The following WDR62 variants were observed in gnomAD, a reference collection of about 807,000 sequenced individuals.
WDR62 encodes WD repeat domain 62, also known as WD repeat-containing protein 62.
A neutral mutation model predicts 160.6 loss-of-function variants in WDR62; 112 were observed. The ratio of observed to expected loss-of-function variants is 0.70; its 90% confidence interval spans 0.60 to 0.82. The LOEUF is 0.82. Among genes scored for constraint, WDR62 ranks in the 40% least tolerant of loss-of-function variants. WDR62 has a pLI of 0.00. For missense variants in WDR62, 1,819 were observed against 1,983.8 expected, an observed-to-expected ratio of 0.92 and a Z score of 1.58; for synonymous variants, 792 against 815.1, an observed-to-expected ratio of 0.97 and a Z score of 0.48.
intron 1 of WDR62, among the ~76,000 whole-genome samples, chr19:36,057,223 A>G (rs1371870218): frequency 6.6e-6 from 1 of 152,228 alleles, no homozygotes; most frequent in African/African-American, 2.4e-5. Context: ...TACATATCCT[A>G]GGCACTTAGA....
In WDR62 at chr19:36,102,704, G is replaced by A. The variant is rs776894830; in HGVS notation, c.3221-33G>A. On this transcript the variant is annotated intron_variant, in intron 26 of 31. Coordinates refer to ENST00000401500, the MANE Select transcript of WDR62 (RefSeq NM_001083961.2). ...AGGGCCAGGGCTGCTCGGCGGGAAG[G>A]GTTATGAGGGTCCCCTCGGGATCTT... 3.1e-6 allele frequency: 5 copies of A among 1,603,720 alleles called. No homozygotes were observed. The African/African-American group carries it at 5.4e-5, about 17-fold the overall frequency.
At chr19:36,078,845 A>C (rs1250739305) in intron 9 of WDR62, among the ~76,000 whole-genome samples, 1 of 151,404 alleles carries the variant, frequency 6.6e-6, no homozygotes, top group African/African-American at 2.4e-5. Flanking sequence ...AAAAAAAAAA[A>C]AAAAACAAAG....
At position 36,104,645 on chromosome 19, in the gene WDR62, C is replaced by T. The variant is rs754743759; in HGVS notation, c.4281C>T (p.Thr1427=). The part of the protein sequence containing the change: ...VGNILHRLQT[T]FQEALDLYRV... ...ACATCTTGCACAGGCTGCAGACCAC[C>T]TTCCAAGAAGCCCTCGACCTTTACC... Residue 1427 remains threonine (T), a synonymous_variant, in exon 31 of 32, where the codon ACC becomes ACT. Coordinates refer to ENST00000401500, the MANE Select transcript of WDR62 (RefSeq NM_001083961.2). The T allele has an allele frequency of 1.6e-5, 26 of 1,614,140 alleles. No homozygotes were observed. The South Asian group carries it at 2.5e-4, about 16-fold the overall frequency.
intron 12 of WDR62, among the ~76,000 whole-genome samples, chr19:36,085,529 C>T (rs1972172984): frequency 6.6e-6 from 1 of 150,664 alleles, no homozygotes. Flanking sequence ...GAAGCGATTC[C>T]CCTGCGTTCA....
intron 9 of WDR62, among the ~76,000 whole-genome samples, chr19:36,079,071 G>C (rs1425046948): frequency 6.6e-6 from 1 of 151,540 alleles, no homozygotes; most frequent in Non-Finnish European, 1.5e-5. Flanking sequence ...TTTTTTTGTG[G>C]GGGTGGGGTG....
In WDR62 at chr19:36,094,032, C is replaced by G. The variant is rs751933719; in HGVS notation, c.2335C>G (p.Gln779Glu). Residue 779 changes from glutamine (Q) to glutamate (E), a missense_variant and splice_region_variant, in exon 20 of 32, where the codon CAG (glutamine) becomes GAG (glutamate). Gln to Glu is a conservative substitution (Grantham distance 29). Coordinates refer to ENST00000401500, the MANE Select transcript of WDR62 (RefSeq NM_001083961.2). Reference protein sequence around the residue: ...NDKKRSGHPRQDTYVSTPSEI... With the variant: ...NDKKRSGHPREDTYVSTPSEI... Reference sequence around the variant, plus strand: ...TACCATCCTCATTCCTGGCTTTAGGCAGGATACGTATGTGTCCACACCTAG... The same window carrying G: ...TACCATCCTCATTCCTGGCTTTAGGGAGGATACGTATGTGTCCACACCTAG... 20 of 1,613,672 alleles carry G rather than the reference C, an allele frequency of 1.2e-5. No individual in the cohort carries two copies. Among genetic ancestry groups the G allele is most frequent in the Non-Finnish European group, 1.6e-5 (19 of 1,179,942 alleles).
At chr19:36,088,927 G>T in intron 13 of WDR62, 111 bp from the exon 14 acceptor site, 5 of 1,245,210 alleles carry the variant, frequency 4.0e-6, no homozygotes, top group Non-Finnish European at 5.8e-6. Context: ...CCTTTAGGAA[G>T]CCTTGATCCC....
Position 36,102,163 on chromosome 19 carries a change from C to T in WDR62, c.3220+12C>T, listed in dbSNP as rs764426378. The T allele has an allele frequency of 2.6e-5, 42 of 1,613,602 alleles. No individual in the cohort carries two copies. Among genetic ancestry groups the T allele is most frequent in the Non-Finnish European group, 3.5e-5 (41 of 1,180,052 alleles). ...GTCCCCCTGCAGAGGTAGGGCCCTGCCTCACCCACACCTGCCGAGGCCGTC... is the reference window on the plus strand; with the variant it reads ...GTCCCCCTGCAGAGGTAGGGCCCTGTCTCACCCACACCTGCCGAGGCCGTC... On this transcript the variant is annotated intron_variant, in intron 26 of 31. Coordinates refer to ENST00000401500, the MANE Select transcript of WDR62 (RefSeq NM_001083961.2).
intron 12 of WDR62, among the ~76,000 whole-genome samples, chr19:36,085,153 T>C (rs1014769338): frequency 7.2e-5 from 11 of 152,140 alleles, no homozygotes; most frequent in Non-Finnish European, 1.5e-4. Context: ...AGTCTTGCTG[T>C]CACCCAGGCT....
chr19:36,057,053 G>T (rs983125445), intron 1 of WDR62, among the ~76,000 whole-genome samples: 1 of 152,094 alleles, frequency 6.6e-6, no homozygotes, highest in African/African-American at 2.4e-5. Flanking sequence ...GAGCTCAAGC[G>T]ATCTGCCTGC....
In WDR62 at chr19:36,099,379, ACTGT is replaced by A. The variant is rs1973180696; in HGVS notation, c.2521-18_2521-15del. On this transcript the variant is annotated splice_polypyrimidine_tract_variant and intron_variant, in intron 21 of 31. Transcript: ENST00000401500. ...GAGTGAGCACTCAGCCAGTTGCCTG[ACTGT>A]CCGATATCCTTCAAGCTAGGGGACG... 4 of 1,609,798 alleles carry A rather than the reference ACTGT, an allele frequency of 2.5e-6. No individual in the cohort carries two copies. Among genetic ancestry groups the A allele is most frequent in the Admixed American group, 1.7e-5 (1 of 59,884 alleles).
At chr19:36,090,733 C>T (rs1972545577) in intron 16 of WDR62, among the ~76,000 whole-genome samples, 2 of 152,144 alleles carry the variant, frequency 1.3e-5, no homozygotes, top group Admixed American at 1.3e-4. Flanking sequence ...CCAAGTGGGG[C>T]GTCTAAGTGG....
intron 7 of WDR62, 36 bp downstream of exon 7, chr19:36,068,046 T>C (rs78943646): frequency 1.0e-5 from 16 of 1,596,704 alleles, no homozygotes; most frequent in Middle Eastern, 1.7e-4. Flanking sequence ...CTGGACAGAC[T>C]CTTTCTCGTG....
At chr19:36,087,096 G>T (rs1460466603) in intron 13 of WDR62, among the ~76,000 whole-genome samples, 4 of 151,796 alleles carry the variant, frequency 2.6e-5, no homozygotes, top group South Asian at 2.1e-4. Flanking sequence ...TTGCTGGGCG[G>T]GGTGTTGTTT....
At chr19:36,076,794 G>A (rs1394190404) in intron 9 of WDR62, among the ~76,000 whole-genome samples, 1 of 152,086 alleles carries the variant, frequency 6.6e-6, no homozygotes, top group African/African-American at 2.4e-5. Context: ...TTTCAATTCT[G>A]AAGATAGTTA....
the WDR62 span, chr19:36,111,081 C>T: frequency 1.1e-6 from 1 of 931,782 alleles, no homozygotes; most frequent in Non-Finnish European, 1.6e-6. Flanking sequence ...AGGAAATTTG[C>T]ATGAAGAGAA....
Position 36,094,045 on chromosome 19 carries a change from T to C in WDR62, c.2348T>C (p.Val783Ala). Residue 783 changes from valine (V) to alanine (A), a missense_variant, in exon 20 of 32, where the codon GTG (valine) becomes GCG (alanine). This residue lies in a region of WDR62 where 934 missense variants were observed against 1,157.2 expected (regional missense o/e 0.81). Transcript: ENST00000401500. ...CCTGGCTTTAGGCAGGATACGTATG[T>C]GTCCACACCTAGTGAGATTCACTCC... ...RSGHPRQDTY[V>A]STPSEIHSLS... 6.2e-7 allele frequency: 1 copy of C among 1,613,992 alleles called. No homozygotes were observed. Among genetic ancestry groups the C allele is most frequent in the Non-Finnish European group, 8.5e-7 (1 of 1,179,982 alleles).
Position 36,055,163 on chromosome 19 carries a change from G to C in WDR62, c.177+15G>C. The C allele has an allele frequency of 5.0e-6, 8 of 1,602,872 alleles. No homozygotes were observed. Among genetic ancestry groups the C allele is most frequent in the Non-Finnish European group, 6.8e-6 (8 of 1,175,750 alleles). On this transcript the variant is annotated intron_variant, in intron 1 of 31. Transcript: ENST00000401500. ...TGCAGAACCGGGTGAGAAGCTGCTCGCCATGTCTACCCCAGTTCCAGGCTT... is the reference window on the plus strand; with the variant it reads ...TGCAGAACCGGGTGAGAAGCTGCTCCCCATGTCTACCCCAGTTCCAGGCTT...
At chr19:36,065,235 A>G (rs1970871165) in intron 3 of WDR62, among the ~76,000 whole-genome samples, 3 of 152,172 alleles carry the variant, frequency 2.0e-5, no homozygotes, top group Admixed American at 2.0e-4. Context: ...TTGATGATGA[A>G]TATTCCATGA....
Sources: allele counts gnomAD v4.1 joint callset (sites outside exome capture counted in the v4.1 genomes callset), GRCh38; gene constraint gnomAD v4.1.1; regional missense constraint gnomAD v4.1.1; transcripts MANE v1.5; gene names NCBI Gene and HGNC (gene_info 2026-07-23, HGNC 2026-07-21).